The following TENM2 variants were observed in gnomAD, a reference collection of about 807,000 sequenced individuals.
TENM2 encodes teneurin transmembrane protein 2, also known as teneurin-2.
TENM2 carries 52 observed loss-of-function variants against 245.2 expected under a neutral mutation model. That is an observed-to-expected ratio of 0.21 (90% CI 0.17 to 0.27). The LOEUF (loss-of-function observed/expected upper bound fraction) is 0.27. TENM2 is among the 10% of genes least tolerant of loss of function. TENM2 has a pLI of 1.00. For missense variants in TENM2, 3,046 were observed against 3,666.8 expected, an observed-to-expected ratio of 0.83 and a Z score of 4.37; for synonymous variants, 1,363 against 1,438.9, an observed-to-expected ratio of 0.95 and a Z score of 1.19.
chr5:166,986,462 G>C, the TENM2 span, among the ~76,000 whole-genome samples: 1 of 152,030 alleles, frequency 6.6e-6, no homozygotes, highest in Non-Finnish European at 1.5e-5. Flanking sequence ...TTTTCAAATA[G>C]ATAAAAACTG....
chr5:167,895,091 G>A (rs925234701), intron 3 of TENM2, among the ~76,000 whole-genome samples: 8 of 152,122 alleles, frequency 5.3e-5, no homozygotes, highest in South Asian at 2.1e-4. Context: ...AAACAGAGTC[G>A]TAAAACTTCT....
chr5:167,571,889 G>T (rs190868188), intron 2 of TENM2, among the ~76,000 whole-genome samples: 1 of 152,264 alleles, frequency 6.6e-6, no homozygotes, highest in Non-Finnish European at 1.5e-5. Context: ...GTCATTTAAA[G>T]GAGGCTGCTT....
At chr5:167,703,542 A>AAAAAT (rs1758310238) in intron 2 of TENM2, among the ~76,000 whole-genome samples, 1 of 151,930 alleles carries the variant, frequency 6.6e-6, no homozygotes, top group Non-Finnish European at 1.5e-5. Flanking sequence ...AAAAAAAAAA[A>AAAAAT]AAAAAGGCTA....
At chr5:167,626,818 C>T (rs1778539079) in intron 2 of TENM2, among the ~76,000 whole-genome samples, 1 of 152,150 alleles carries the variant, frequency 6.6e-6, no homozygotes, top group Admixed American at 6.5e-5. Flanking sequence ...TTTCCCACAC[C>T]AGCCCCAACT....
At chr5:167,370,780 G>T (rs1760369578) in intron 1 of TENM2, among the ~76,000 whole-genome samples, 1 of 152,176 alleles carries the variant, frequency 6.6e-6, no homozygotes, top group South Asian at 2.1e-4. Flanking sequence ...CTGATATATT[G>T]TGCCTCCTTG....
At chr5:167,391,329 A>C (rs1200860278) in intron 2 of TENM2, among the ~76,000 whole-genome samples, 1 of 152,118 alleles carries the variant, frequency 6.6e-6, no homozygotes, top group Non-Finnish European at 1.5e-5. Flanking sequence ...TGAGAAAAGA[A>C]AAGCAAGAGC....
intron 2 of TENM2, among the ~76,000 whole-genome samples, chr5:167,848,799 T>A (rs948555478): frequency 7.2e-5 from 11 of 152,180 alleles, no homozygotes; most frequent in African/African-American, 2.7e-4. Flanking sequence ...TGATGAAAAA[T>A]TTGGGAGGCT....
intron 2 of TENM2, among the ~76,000 whole-genome samples, chr5:167,567,745 C>T (rs927046165): frequency 6.6e-6 from 1 of 152,032 alleles, no homozygotes; most frequent in Non-Finnish European, 1.5e-5. Context: ...TTCATACAAC[C>T]CCAGGGGTAA....
intron 2 of TENM2, among the ~76,000 whole-genome samples, chr5:167,460,403 G>C (rs896168326): frequency 1.3e-5 from 2 of 152,030 alleles, no homozygotes; most frequent in African/African-American, 4.8e-5. Context: ...ATTTGTTTTA[G>C]GTAGACTGGC....
At chr5:167,406,004 G>C (rs978173903) in intron 2 of TENM2, among the ~76,000 whole-genome samples, 14 of 152,024 alleles carry the variant, frequency 9.2e-5, no homozygotes, top group African/African-American at 3.4e-4. Flanking sequence ...ATTTCAACCA[G>C]AGAAGAATAC....
chr5:167,598,112 A>C (rs1009413822), intron 2 of TENM2, among the ~76,000 whole-genome samples: 1 of 152,218 alleles, frequency 6.6e-6, no homozygotes, highest in African/African-American at 2.4e-5. Flanking sequence ...CATGGACATC[A>C]TATGTGAGCC....
chr5:168,238,282 A>AGG (rs1765781616), intron 25 of TENM2, among the ~76,000 whole-genome samples: 1 of 151,204 alleles, frequency 6.6e-6, no homozygotes, highest in African/African-American at 2.4e-5. Flanking sequence ...AAGAAAAGAA[A>AGG]AGAAAAGAAA....
chr5:166,983,587 T>C, the TENM2 span, among the ~76,000 whole-genome samples: 5 of 152,092 alleles, frequency 3.3e-5, no homozygotes, highest in Non-Finnish European at 7.4e-5. Context: ...ATATTCCCCA[T>C]AAAGATTTTT....
exon 29 of TENM2, chr5:168,262,053 T>C (rs75775513): frequency 6.2e-7 from 1 of 1,613,516 alleles, no homozygotes; most frequent in East Asian, 2.2e-5. Flanking sequence ...CCACAGCTCA[T>C]TACAGGTGTC....
chr5:167,778,227 T>A (rs1203073073), intron 2 of TENM2, among the ~76,000 whole-genome samples: 2 of 151,852 alleles, frequency 1.3e-5, no homozygotes, highest in East Asian at 3.9e-4. Flanking sequence ...GAGATATGAA[T>A]CCACATCATG....
At position 168,192,231 on chromosome 5, in the gene TENM2, A is replaced by G. The variant is rs541619840; in HGVS notation, c.2780+1684A>G. Among the ~76,000 whole-genome samples the G allele has an allele frequency of 5.4e-4, 83 of 152,336 alleles. No individual in the cohort carries two copies. In the South Asian group the frequency reaches 8.9e-3, roughly 16 times the overall value. ...CAGGAAGAAAAAGCACTCTGGGCAC[A>G]TAACATTGCCCTAGAAATGTAATTC... is the stretch of plus-strand genomic sequence containing the variant. On this transcript the variant is annotated intron_variant, in intron 14 of 28. Transcript: ENST00000518659.
chr5:167,417,592 G>T (rs1763235833), intron 2 of TENM2, among the ~76,000 whole-genome samples: 1 of 152,134 alleles, frequency 6.6e-6, no homozygotes, highest in Non-Finnish European at 1.5e-5. Flanking sequence ...TTTTGTGCCA[G>T]GTACTGTGCT....
the TENM2 span, among the ~76,000 whole-genome samples, chr5:167,211,964 T>C: frequency 6.6e-6 from 1 of 152,182 alleles, no homozygotes; most frequent in Non-Finnish European, 1.5e-5. Context: ...ATGATAAAAC[T>C]GAGGGTATAG....
chr5:167,031,055 A>C, the TENM2 span, among the ~76,000 whole-genome samples: 10 of 152,160 alleles, frequency 6.6e-5, no homozygotes, highest in African/African-American at 2.4e-5. Flanking sequence ...AACCTTTTAG[A>C]AGTGAGCCGC....
Sources: allele counts gnomAD v4.1 joint callset (sites outside exome capture counted in the v4.1 genomes callset), GRCh38; gene constraint gnomAD v4.1.1; transcripts MANE v1.5; gene names NCBI Gene and HGNC (gene_info 2026-07-23, HGNC 2026-07-21).